ZDHHC21: variants seen among roughly 807,000 people sequenced by gnomAD.
The protein encoded by ZDHHC21 is zDHHC palmitoyltransferase 21, also known as palmitoyltransferase ZDHHC21.
Under a neutral mutation model 34.6 loss-of-function variants are expected in ZDHHC21, and 15 were observed. The observed-to-expected ratio is 0.43, with a 90% CI of 0.29 to 0.67. The LOEUF (loss-of-function observed/expected upper bound fraction) is 0.67. ZDHHC21 is among the 30% of genes least tolerant of loss of function. The pLI is 0.14. For missense variants in ZDHHC21, 344 were observed against 327.7 expected (o/e 1.05, Z -0.38); for synonymous variants, 142 against 101.8 (o/e 1.40, Z -2.38).
At chr9:14,624,041 G>A (rs1825785189) in intron 8 of ZDHHC21, among the ~76,000 whole-genome samples, 1 of 151,992 alleles carries the variant, frequency 6.6e-6, no homozygotes, top group Non-Finnish European at 1.5e-5. Context: ...CATATTTGTG[G>A]GTTCTGTAGC....
chr9:14,674,513 G>T, intron 3 of ZDHHC21, 128 bp from the exon 4 acceptor site: 1 of 520,958 alleles, frequency 1.9e-6, no homozygotes, highest in Non-Finnish European at 3.3e-6. Context: ...TTCTGTAGTT[G>T]ATATATTTAT....
intron 5 of ZDHHC21, 151 bp downstream of exon 5, chr9:14,672,679 G>T: frequency 1.9e-6 from 1 of 529,908 alleles, no homozygotes; most frequent in Non-Finnish European, 3.2e-6. Flanking sequence ...GCAATTTTAA[G>T]TAGAGAAGTT....
rs1350048431 is a variant in ZDHHC21, at chr9:14,616,156, T to G, written c.*2810A>C. On this transcript the variant is annotated 3_prime_UTR_variant, in exon 10 of 10. Transcript: ENST00000380916. ...TAAATGTAGTTTTTTAGATATTCAT[T>G]AAAACACAGAAAATGCTTGGTTGTC... 1 of 151,790 alleles carries G rather than the reference T, an allele frequency of 6.6e-6. No homozygotes were observed. The highest frequency in any genetic ancestry group is 2.4e-5 in the African/African-American group (1 of 41,432). The allele number at this position is 151,790 out of a possible 1,614,324, so 9.4% of individuals were successfully genotyped here. A position where few individuals can be genotyped will look rare whatever the true frequency, so the allele number is the denominator to read the frequency against.
At chr9:14,607,658 T>C (rs1823057568), downstream of ZDHHC21, among the ~76,000 whole-genome samples, 3 of 152,000 alleles carry the variant, frequency 2.0e-5, no homozygotes, top group South Asian at 6.2e-4. Context: ...AGATCAGGGC[T>C]GTTGTGGAAG....
At chr9:14,596,186 C>T in the ZDHHC21 span, among the ~76,000 whole-genome samples, 2 of 152,152 alleles carry the variant, frequency 1.3e-5, no homozygotes, top group East Asian at 1.9e-4. Context: ...GTAAATGAAT[C>T]GATAACAAAT....
chr9:14,677,029 G>A (rs1234964722), intron 3 of ZDHHC21, among the ~76,000 whole-genome samples: 3 of 151,856 alleles, frequency 2.0e-5, no homozygotes, highest in Admixed American at 2.0e-4. Flanking sequence ...CAAAACGACT[G>A]GCAAAATTAT....
At chr9:14,658,106 C>G (rs970689368) in intron 7 of ZDHHC21, among the ~76,000 whole-genome samples, 1 of 152,226 alleles carries the variant, frequency 6.6e-6, no homozygotes, top group Admixed American at 6.5e-5. Flanking sequence ...ATTTGAGAAC[C>G]TTTAAAAATT....
chr9:14,639,195 C>T (rs1277775756), intron 8 of ZDHHC21, among the ~76,000 whole-genome samples: 1 of 152,044 alleles, frequency 6.6e-6, no homozygotes. Context: ...GAATGAAATT[C>T]TGTCATTTGC....
chr9:14,640,573 T>A lies in ZDHHC21; in HGVS notation c.505-561A>T, dbSNP rs149178263. ...CTACTTCATTCATTCTTCCATCCAG[T>A]CACCCAACCACCATTGCCAAGCATT... On this transcript the variant is annotated intron_variant, in intron 7 of 9. Transcript: ENST00000380916. Among the ~76,000 whole-genome samples the A allele has an allele frequency of 1.6e-4, 25 of 152,274 alleles. No individual in the cohort carries two copies. The East Asian group carries it at 4.8e-3, about 29-fold the overall frequency.
intron 2 of ZDHHC21, among the ~76,000 whole-genome samples, chr9:14,688,136 G>C (rs999244387): frequency 4.6e-5 from 7 of 150,838 alleles, no homozygotes; most frequent in Non-Finnish European, 1.0e-4. Context: ...ATCTTCTACA[G>C]ATGTTAAAAG....
intron 8 of ZDHHC21, among the ~76,000 whole-genome samples, chr9:14,638,149 T>C (rs745693590): frequency 3.9e-5 from 6 of 151,926 alleles, no homozygotes; most frequent in Admixed American, 6.6e-5. Context: ...GTAACCAAAA[T>C]AGCATAGTAT....
At position 14,615,973 on chromosome 9, in the gene ZDHHC21, T is replaced by C. The variant is rs904694559; in HGVS notation, c.*2993A>G. 6 of 151,548 alleles carry C rather than the reference T, an allele frequency of 4.0e-5. No homozygotes were observed. The highest frequency in any genetic ancestry group is 9.7e-5 in the African/African-American group (4 of 41,358). 9.4% of individuals were successfully genotyped at this position (151,548 alleles called of 1,614,324 possible). On this transcript the variant is annotated 3_prime_UTR_variant, in exon 10 of 10. Coordinates refer to ENST00000380916, the MANE Select transcript of ZDHHC21 (RefSeq NM_178566.6). ...TTTAGTTGTTTTCAGTTATCCAGAA[T>C]ACATAAGAAATTGTTACTAAAACTA... is the stretch of plus-strand genomic sequence containing the variant.
chr9:14,607,554 G>A (rs1298320475), downstream of ZDHHC21, among the ~76,000 whole-genome samples: 1 of 151,474 alleles, frequency 6.6e-6, no homozygotes, highest in Non-Finnish European at 1.5e-5. Flanking sequence ...GGAGGAGGGT[G>A]GGAGTGAAGA....
At chr9:14,656,234 A>T (rs1469705133) in intron 7 of ZDHHC21, among the ~76,000 whole-genome samples, 4 of 151,940 alleles carry the variant, frequency 2.6e-5, no homozygotes, top group Non-Finnish European at 5.9e-5. Context: ...AGCTACATAG[A>T]TTATAAAATA....
chr9:14,599,094 T>TA, the ZDHHC21 span, among the ~76,000 whole-genome samples: 1 of 151,998 alleles, frequency 6.6e-6, no homozygotes, highest in East Asian at 1.9e-4. Context: ...GAGATAAACA[T>TA]AAAAAAAGAA....
intron 7 of ZDHHC21, among the ~76,000 whole-genome samples, chr9:14,644,721 T>G (rs1829985641): frequency 6.6e-6 from 1 of 152,008 alleles, no homozygotes; most frequent in African/African-American, 2.4e-5. Flanking sequence ...CTTTCATTCC[T>G]AGGATAAACT....
chr9:14,610,304 T>C (rs188854631), downstream of ZDHHC21, among the ~76,000 whole-genome samples: 3 of 152,054 alleles, frequency 2.0e-5, no homozygotes, highest in East Asian at 5.8e-4. Flanking sequence ...AAATGCTACT[T>C]AGAATCAAAA....
intron 2 of ZDHHC21, among the ~76,000 whole-genome samples, chr9:14,680,901 T>C (rs1426857373): frequency 6.6e-6 from 1 of 152,138 alleles, no homozygotes; most frequent in Non-Finnish European, 1.5e-5. Flanking sequence ...AATGTATTTC[T>C]TATGGTAAAT....
chr9:14,622,487 G>T (rs187423680), intron 8 of ZDHHC21: 8 of 980,790 alleles, frequency 8.2e-6, no homozygotes, highest in Non-Finnish European at 9.7e-6. Context: ...GAGGTTGCAG[G>T]GGGGTGGGAT....
Sources: allele counts gnomAD v4.1 joint callset (sites outside exome capture counted in the v4.1 genomes callset), GRCh38; gene constraint gnomAD v4.1.1; transcripts MANE v1.5; gene names NCBI Gene and HGNC (gene_info 2026-07-23, HGNC 2026-07-21).